The following SEMA3B variants were observed in gnomAD, a reference collection of about 807,000 sequenced individuals.
SEMA3B encodes semaphorin-3B.
SEMA3B carries 71 observed loss-of-function variants against 77.8 expected under a neutral mutation model. The ratio of observed to expected loss-of-function variants is 0.91; its 90% CI spans 0.75 to 1.11. The LOEUF is 1.11. SEMA3B is among the 50% of genes most tolerant of loss of function. The probability of loss-of-function intolerance (pLI) is 0.00; values close to 1 mark genes in which losing one functional copy is unlikely to be tolerated. For missense variants in SEMA3B, 968 were observed against 1,056.8 expected, an observed-to-expected ratio of 0.92 and a Z score of 1.17; for synonymous variants, 470 against 452.9, an observed-to-expected ratio of 1.04 and a Z score of -0.48.
In SEMA3B at chr3:50,275,803, G is replaced by A. The variant is rs1553706538; in HGVS notation, c.1804G>A (p.Glu602Lys). 1 of 1,611,356 alleles carries A rather than the reference G, an allele frequency of 6.2e-7. No individual in the cohort carries two copies. The highest frequency in any genetic ancestry group is 2.2e-5 in the East Asian group (1 of 44,856). Residue 602 changes from glutamate to lysine, a missense_variant, in exon 16 of 17, where the codon GAG becomes AAG. Transcript: ENST00000616701. This position sits in a 1 kb window ranked among gnomAD's most constrained non-coding sequence, Gnocchi z 7.5. ...CEPRSLQARVEWTFQRAGVTA... is the reference protein window; with the variant it reads ...CEPRSLQARVKWTFQRAGVTA... ...GCCCCGCTCGCTGCAGGCGCGCGTGGAGTGGACTTTCCAGCGCGCAGGGGT... is the reference window on the plus strand; with the variant it reads ...GCCCCGCTCGCTGCAGGCGCGCGTGAAGTGGACTTTCCAGCGCGCAGGGGT...
chr3:50,274,096 A>C lies in SEMA3B; in HGVS notation c.1137+39A>C. On this transcript the variant is annotated intron_variant, in intron 10 of 16. Transcript: ENST00000616701. The surrounding 1 kb of genome is among the most constrained non-coding windows in gnomAD (Gnocchi z 4.7). ...GGACTTCTGCTACAACCCACTTCAA[A>C]GCCTCAAGGGTTTGAGAACTTGGCC... 2 of 1,603,144 alleles carry C rather than the reference A, an allele frequency of 1.2e-6. No homozygotes were observed. The highest frequency in any genetic ancestry group is 1.7e-6 in the Non-Finnish European group (2 of 1,176,874).
Position 50,271,366 on chromosome 3 carries a change from G to T in SEMA3B, c.550G>T (p.Glu184Ter), listed in dbSNP as rs868981811. 6.3e-7 allele frequency: 1 copy of T among 1,576,708 alleles called. No individual in the cohort carries two copies. Among genetic ancestry groups the T allele is most frequent in the South Asian group, 1.2e-5 (1 of 85,706 alleles). ...HRAASVLVGE[E>*]LYSGVAADLM... Reference sequence around the variant, plus strand: ...GGCCCTTGCTCTGTCTGCAGGGGAGGAGCTATACTCAGGGGTGGCAGCAGA... The same window carrying T: ...GGCCCTTGCTCTGTCTGCAGGGGAGTAGCTATACTCAGGGGTGGCAGCAGA... Residue 184 changes from glutamate (E) to a stop codon, truncating the protein, a stop_gained, in exon 6 of 17, where the codon GAG (glutamate) becomes TAG (stop). Transcript: ENST00000616701. LOFTEE classifies it high-confidence loss of function.
At chr3:50,260,280 G>A in the SEMA3B span, 1 of 152,190 alleles carries the variant, frequency 6.6e-6, no homozygotes, top group Non-Finnish European at 1.5e-5. Context: ...CCAGGACAGA[G>A]CGGCCTGGGC....
Position 50,273,517 on chromosome 3 carries a change from C to T in SEMA3B, c.811-18C>T. 1 of 1,611,794 alleles carries T rather than the reference C, an allele frequency of 6.2e-7. No individual in the cohort carries two copies. The highest frequency in any genetic ancestry group is 1.3e-5 in the African/African-American group (1 of 75,010). The stretch of plus-strand genomic sequence containing the variant: ...CCTGCCCTGGTCTCGCCCTCATCCC[C>T]TTTGATCGTCCCGGCAGAACGACGT... On this transcript the variant is annotated intron_variant, in intron 7 of 16. Transcript: ENST00000616701. This position sits in a 1 kb window ranked among gnomAD's most constrained non-coding sequence, Gnocchi z 6.5.
chr3:50,268,724 ACT>A (rs1273673536), upstream of SEMA3B: 1 of 154,900 alleles, frequency 6.5e-6, no homozygotes, highest in African/African-American at 2.4e-5. Flanking sequence ...CCCTCCTGTC[ACT>A]CTCACTCTTT....
At position 50,273,226 on chromosome 3, in the gene SEMA3B, G is replaced by A. The variant is rs1439401527; in HGVS notation, c.665-72G>A. 7 of 1,537,764 alleles carry A rather than the reference G, an allele frequency of 4.6e-6. No individual in the cohort carries two copies. The African/African-American group carries it at 8.2e-5, about 18-fold the overall frequency. On this transcript the variant is annotated intron_variant, in intron 6 of 16. Coordinates refer to ENST00000616701, the MANE Select transcript of SEMA3B (RefSeq NM_001290060.2). This position sits in a 1 kb window ranked among gnomAD's most constrained non-coding sequence, Gnocchi z 6.5. Reference sequence around the variant, plus strand: ...TGCTGTGCCCGCACTACGGGAAGGGGAAGCAGCGCGTGGGTCTCGCATCAG... The same window carrying A: ...TGCTGTGCCCGCACTACGGGAAGGGAAAGCAGCGCGTGGGTCTCGCATCAG...
chr3:50,264,204 T>C (rs370765907), upstream of SEMA3B, among the ~76,000 whole-genome samples: 1 of 151,192 alleles, frequency 6.6e-6, no homozygotes, highest in East Asian at 1.9e-4. Context: ...AGCAAGATCC[T>C]GTCTCAAAAA....
chr3:50,275,217 G>A lies in SEMA3B; in HGVS notation c.1492-85G>A. ...GCGTAAGACCTCAGTGTTCCCATCT[G>A]TCGAGTGGAAGAAGGGATCCCTGAC... On this transcript the variant is annotated intron_variant, in intron 13 of 16. Transcript: ENST00000616701. The surrounding 1 kb of genome is among the most constrained non-coding windows in gnomAD (Gnocchi z 7.5). 1 of 1,464,728 alleles carries A rather than the reference G, an allele frequency of 6.8e-7. No homozygotes were observed. Among genetic ancestry groups the A allele is most frequent in the Non-Finnish European group, 9.1e-7 (1 of 1,103,070 alleles). The allele number at this position is 1,464,728 out of a possible 1,614,324, so 90.7% of individuals were successfully genotyped here.
chr3:50,276,029 C>A lies in SEMA3B; in HGVS notation c.1845+185C>A. On this transcript the variant is annotated intron_variant, in intron 16 of 16. Coordinates refer to ENST00000616701, the MANE Select transcript of SEMA3B (RefSeq NM_001290060.2). The surrounding 1 kb of genome is among the most constrained non-coding windows in gnomAD (Gnocchi z 5.8). ...GCGTCCAACGGGGCTCCCGACCCGC[C>A]TCCCCTGAATCAAGGAGAAGACCCG... 1 of 915,030 alleles carries A rather than the reference C, an allele frequency of 1.1e-6. No homozygotes were observed. Among genetic ancestry groups the A allele is most frequent in the Non-Finnish European group, 1.6e-6 (1 of 628,714 alleles). 56.7% of individuals were successfully genotyped at this position (915,030 alleles called of 1,614,324 possible). A position where few individuals can be genotyped will look rare whatever the true frequency, so the allele number is the denominator to read the frequency against.
the SEMA3B span, chr3:50,260,802 G>GTGCC: frequency 6.6e-6 from 1 of 152,386 alleles, no homozygotes; most frequent in Non-Finnish European, 1.5e-5. Flanking sequence ...GATTGCCCTG[G>GTGCC]TGCCGTCTTG....
chr3:50,271,034 G>T (rs1553705254), intron 4 of SEMA3B, 25 bp downstream of exon 4: 1 of 1,585,050 alleles, frequency 6.3e-7, no homozygotes, highest in Non-Finnish European at 8.6e-7. Context: ...AGGCAGGGAG[G>T]GAGGTCAGGA....
chr3:50,269,244 G>T lies in SEMA3B; in HGVS notation c.4G>T (p.Gly2Trp). M[G>W]RAGAAAVIPG... ...CTGAGCACCCTGAGCTGCTGAGATG[G>T]GGCGGGCCGGGGCTGCCGCCGTGAT... is the stretch of plus-strand genomic sequence containing the variant. Residue 2 changes from glycine to tryptophan, a missense_variant, in exon 1 of 17, where the codon GGG becomes TGG. Physicochemically the swap from Gly to Trp is radical, Grantham distance 184. Transcript: ENST00000616701. This position sits in a 1 kb window ranked among gnomAD's most constrained non-coding sequence, Gnocchi z 4.0. The T allele has an allele frequency of 6.5e-7, 1 of 1,535,746 alleles. No individual in the cohort carries two copies. The highest frequency in any genetic ancestry group is 2.0e-5 in the Admixed American group (1 of 50,978).
In SEMA3B at chr3:50,270,609, C is replaced by G. The variant is rs55689339; in HGVS notation, c.330+114C>G. On this transcript the variant is annotated intron_variant, in intron 3 of 16. Transcript: ENST00000616701. This position sits in a 1 kb window ranked among gnomAD's most constrained non-coding sequence, Gnocchi z 4.7. The stretch of plus-strand genomic sequence containing the variant: ...CTGGCTGGGATGAGGGCAGGGAGGT[C>G]GAGGTGGCTGAGGTCTGGGGGTGGT... The G allele has an allele frequency of 0.052, 75,632 of 1,449,474 alleles. 2,315 individuals carry two copies. Among genetic ancestry groups the G allele is most frequent in the Non-Finnish European group, 0.063 (66,239 of 1,058,170 alleles). The allele number at this position is 1,449,474 out of a possible 1,614,324, so 89.8% of individuals were successfully genotyped here.
At position 50,274,045 on chromosome 3, in the gene SEMA3B, G is replaced by A. The variant is rs61737738; in HGVS notation, c.1125G>A (p.Pro375=). ...WVSYQGRVPY[P]RPGMCPSKTF... ...CATACCAGGGTCGCGTCCCCTACCC[G>A]CGGCCAGGCATGGTTCGTAGCCCAG... The change falls in exon 10 of 17, where the codon CCG becomes CCA. Residue 375 remains proline (P), a synonymous_variant. Coordinates refer to ENST00000616701, the MANE Select transcript of SEMA3B (RefSeq NM_001290060.2). This position sits in a 1 kb window ranked among gnomAD's most constrained non-coding sequence, Gnocchi z 4.7. 10,405 of 1,613,282 alleles carry A rather than the reference G, an allele frequency of 6.4e-3. 620 individuals are homozygous for A. The African/African-American group carries it at 0.12, about 19-fold the overall frequency.
Position 50,274,692 on chromosome 3 carries a change from TCCA to T in SEMA3B, c.1357+113_1357+115del, listed in dbSNP as rs1553706169. ...TCCACATCCTTTCCTGGGCTGTGTC[TCCA>T]CCCTGTGGATGCTGCCCAACCCACA... is the stretch of plus-strand genomic sequence containing the variant. On this transcript the variant is annotated intron_variant, in intron 11 of 16. Transcript: ENST00000616701. This position sits in a 1 kb window ranked among gnomAD's most constrained non-coding sequence, Gnocchi z 4.7. The T allele has an allele frequency of 1.4e-6, 2 of 1,413,518 alleles. No homozygotes were observed. Among genetic ancestry groups the T allele is most frequent in the African/African-American group, 2.8e-5 (2 of 70,658 alleles). The allele number at this position is 1,413,518 out of a possible 1,614,324, so 87.6% of individuals were successfully genotyped here.
Position 50,273,278 on chromosome 3 carries a change from A to G in SEMA3B, c.665-20A>G. ...AGGCAAGGCCAGGACCCGCTGACCC[A>G]TGCCTCCTGCCGCGGTCAGAGCCCA... On this transcript the variant is annotated intron_variant, in intron 6 of 16. Transcript: ENST00000616701. This position sits in a 1 kb window ranked among gnomAD's most constrained non-coding sequence, Gnocchi z 6.5. 1 of 1,610,110 alleles carries G rather than the reference A, an allele frequency of 6.2e-7. No individual in the cohort carries two copies. Among genetic ancestry groups the G allele is most frequent in the African/African-American group, 1.3e-5 (1 of 74,978 alleles).
Position 50,276,318 on chromosome 3 carries a change from G to A in SEMA3B, c.1862G>A (p.Arg621His). The A allele has an allele frequency of 1.3e-6, 2 of 1,521,306 alleles. No homozygotes were observed. Among genetic ancestry groups the A allele is most frequent in the East Asian group, 2.5e-5 (1 of 40,206 alleles). The allele number at this position is 1,521,306 out of a possible 1,614,324, so 94.2% of individuals were successfully genotyped here. ...TGCCCGCAGGTGCTGGCAGAGGAGC[G>A]CACCGAGCGCACCGCCCGGGGACTA... ...TAHTQVLAEE[R>H]TERTARGLLL... Residue 621 changes from arginine (R) to histidine (H), a missense_variant, in exon 17 of 17, where the codon CGC (arginine) becomes CAC (histidine). Physicochemically the swap from Arg to His is conservative, Grantham distance 29. Coordinates refer to ENST00000616701, the MANE Select transcript of SEMA3B (RefSeq NM_001290060.2). This position sits in a 1 kb window ranked among gnomAD's most constrained non-coding sequence, Gnocchi z 5.8.
In SEMA3B at chr3:50,271,078, C is replaced by T. The variant is rs782158934; in HGVS notation, c.451-10C>T. The T allele has an allele frequency of 1.3e-6, 2 of 1,576,664 alleles. No individual in the cohort carries two copies. Among genetic ancestry groups the T allele is most frequent in the African/African-American group, 1.4e-5 (1 of 74,036 alleles). ...AGGGCCTGGTAGTCACAACTTGCCA[C>T]ACCTCCCAGGAGCCCGTCCTCCGGC... On this transcript the variant is annotated splice_polypyrimidine_tract_variant and intron_variant, in intron 4 of 16. Transcript: ENST00000616701.
upstream of SEMA3B, chr3:50,268,906 G>A (rs192478107): frequency 1.3e-4 from 48 of 359,098 alleles, no homozygotes; most frequent in Middle Eastern, 4.7e-3. Flanking sequence ...ATGTCTGTGA[G>A]TGTGTATACA....
Sources: gnomAD v4.1 joint callset for allele counts (sites outside exome capture counted in the v4.1 genomes callset) on GRCh38, gnomAD v4.1.1 for gene constraint, Gnocchi (gnomAD v3.1) non-coding constraint, MANE v1.5 for transcripts, NCBI Gene and HGNC (gene_info 2026-07-23, HGNC 2026-07-21) for gene names.